FBXO4: variants seen among roughly 807,000 people sequenced by gnomAD.
FBXO4 encodes F-box protein 4.
Under a neutral mutation model 43.7 loss-of-function variants are expected in FBXO4, and 36 were observed. That is an observed-to-expected ratio of 0.82 (90% CI 0.63 to 1.09). The LOEUF (loss-of-function observed/expected upper bound fraction) is 1.09. FBXO4 is among the 50% of genes least tolerant of loss of function. The probability of loss-of-function intolerance (pLI) is 0.00; values close to 1 mark genes in which losing one functional copy is unlikely to be tolerated. For missense variants in FBXO4, 435 were observed against 474.1 expected (o/e 0.92, Z 0.77); for synonymous variants, 180 against 165.6 (o/e 1.09, Z -0.67).
chr5:42,039,314 T>TA, the FBXO4 span, among the ~76,000 whole-genome samples: 2 of 152,062 alleles, frequency 1.3e-5, no homozygotes, highest in Non-Finnish European at 2.9e-5. Context: ...ATGAAAATGT[T>TA]AAAAATGTAA....
the FBXO4 span, among the ~76,000 whole-genome samples, chr5:42,007,533 A>G: frequency 6.6e-6 from 1 of 152,100 alleles, no homozygotes; most frequent in Non-Finnish European, 1.5e-5. Context: ...GTTACTCCTG[A>G]GGGAGAAAAC....
intron 5 of FBXO4, 133 bp from the exon 6 acceptor site, chr5:41,939,306 CTG>C (rs1751934635): frequency 2.8e-6 from 2 of 716,216 alleles, no homozygotes; most frequent in East Asian, 5.5e-5. Flanking sequence ...CTGAAGAGTA[CTG>C]TGATTTTTTT....
At chr5:41,981,822 A>C in the FBXO4 span, among the ~76,000 whole-genome samples, 1 of 151,160 alleles carries the variant, frequency 6.6e-6, no homozygotes, top group Non-Finnish European at 1.5e-5. Flanking sequence ...TTATGTATAC[A>C]TGTGCCATGT....
At chr5:42,002,351 C>G in the FBXO4 span, among the ~76,000 whole-genome samples, 1 of 152,202 alleles carries the variant, frequency 6.6e-6, no homozygotes, top group Non-Finnish European at 1.5e-5. Flanking sequence ...AAGAGTGGCT[C>G]TCACTATGAT....
chr5:41,927,321 A>G lies in FBXO4; in HGVS notation c.425+73A>G, dbSNP rs277414. The G allele has an allele frequency of 0.28, 313,780 of 1,112,690 alleles. 51,016 individuals are homozygous for G. The highest frequency in any genetic ancestry group is 0.68 in the African/African-American group (43,446 of 64,006). 68.9% of individuals were successfully genotyped at this position (1,112,690 alleles called of 1,614,324 possible). A position where few individuals can be genotyped will look rare whatever the true frequency, so the allele number is the denominator to read the frequency against. Reference sequence around the variant, plus strand: ...GTATTACTAGTCAATATCCAAGTTAATCCTGACCCTGCTACTGATTTGTTG... The same window carrying G: ...GTATTACTAGTCAATATCCAAGTTAGTCCTGACCCTGCTACTGATTTGTTG... On this transcript the variant is annotated intron_variant, in intron 2 of 6. Coordinates refer to ENST00000281623, the MANE Select transcript of FBXO4 (RefSeq NM_012176.3).
chr5:41,998,942 T>C, the FBXO4 span, among the ~76,000 whole-genome samples: 1 of 152,144 alleles, frequency 6.6e-6, no homozygotes, highest in Non-Finnish European at 1.5e-5. Flanking sequence ...CGTGAGTTCA[T>C]AGTTTTCTTT....
the FBXO4 span, among the ~76,000 whole-genome samples, chr5:42,009,364 AGTGTGTGTGTAT>A: frequency 7.8e-6 from 1 of 127,980 alleles, no homozygotes; most frequent in South Asian, 2.8e-4. Context: ...TGGGAATTGG[AGTGTGTGTGTAT>A]GTGTGTGTGT....
At chr5:41,942,681 A>T (rs1752023113), downstream of FBXO4, among the ~76,000 whole-genome samples, 1 of 152,010 alleles carries the variant, frequency 6.6e-6, no homozygotes, top group Non-Finnish European at 1.5e-5. Flanking sequence ...ACACTATGAA[A>T]TTTATCTCTC....
At chr5:42,031,556 A>C in the FBXO4 span, among the ~76,000 whole-genome samples, 1 of 151,960 alleles carries the variant, frequency 6.6e-6, no homozygotes, top group South Asian at 2.1e-4. Context: ...ACATGTATAC[A>C]TATGTAACAA....
At chr5:42,001,417 AGACGGG>A in the FBXO4 span, among the ~76,000 whole-genome samples, 1 of 152,212 alleles carries the variant, frequency 6.6e-6, no homozygotes, top group African/African-American at 2.4e-5. Flanking sequence ...CTTTTAGTAG[AGACGGG>A]GTTTCGCCAT....
At chr5:42,031,769 GA>G in the FBXO4 span, among the ~76,000 whole-genome samples, 1 of 151,980 alleles carries the variant, frequency 6.6e-6, no homozygotes, top group South Asian at 2.1e-4. Flanking sequence ...TGGCATTGAA[GA>G]GGTAGATATT....
At chr5:41,993,802 G>A in the FBXO4 span, among the ~76,000 whole-genome samples, 6 of 152,038 alleles carry the variant, frequency 3.9e-5, no homozygotes, top group African/African-American at 1.5e-4. Context: ...AGGGCAAGAA[G>A]CATCTAGCAT....
chr5:42,006,392 A>G, the FBXO4 span, among the ~76,000 whole-genome samples: 1 of 152,074 alleles, frequency 6.6e-6, no homozygotes, highest in Non-Finnish European at 1.5e-5. Flanking sequence ...CAAAGTACCT[A>G]CCTATAAGCA....
chr5:41,974,631 C>G, the FBXO4 span, among the ~76,000 whole-genome samples: 3 of 151,764 alleles, frequency 2.0e-5, no homozygotes, highest in Admixed American at 6.6e-5. Flanking sequence ...TTTTTCCATC[C>G]TTCTGCTGAA....
At chr5:41,993,686 A>G in the FBXO4 span, among the ~76,000 whole-genome samples, 1 of 150,576 alleles carries the variant, frequency 6.6e-6, no homozygotes, top group Non-Finnish European at 1.5e-5. Flanking sequence ...TTTATTAAGT[A>G]TTAATTCACA....
chr5:41,964,192 A>G, the FBXO4 span, among the ~76,000 whole-genome samples: 1 of 152,190 alleles, frequency 6.6e-6, no homozygotes, highest in Non-Finnish European at 1.5e-5. Context: ...TGTTGTTAAA[A>G]TTACTTTAAA....
At chr5:41,985,633 C>T in the FBXO4 span, among the ~76,000 whole-genome samples, 14 of 152,058 alleles carry the variant, frequency 9.2e-5, no homozygotes, top group African/African-American at 3.4e-4. Flanking sequence ...TTAAGAAAGT[C>T]AGCCTGCGTT....
At chr5:41,956,394 A>T in the FBXO4 span, among the ~76,000 whole-genome samples, 251 of 152,328 alleles carry the variant, frequency 1.6e-3, no homozygotes, top group African/African-American at 5.8e-3. Context: ...AGATGCAGCA[A>T]ATATATTTTA....
the FBXO4 span, among the ~76,000 whole-genome samples, chr5:42,016,122 G>A: frequency 1.3e-5 from 2 of 152,172 alleles, no homozygotes; most frequent in Non-Finnish European, 2.9e-5. Flanking sequence ...AAATAGAGTA[G>A]CGAGCTAGAA....
Sources: allele counts gnomAD v4.1 joint callset (sites outside exome capture counted in the v4.1 genomes callset), GRCh38; gene constraint gnomAD v4.1.1; transcripts MANE v1.5; gene names NCBI Gene and HGNC (gene_info 2026-07-23, HGNC 2026-07-21).